Variants in KIF5C observed in about 807,000 individuals in gnomAD.
The protein encoded by KIF5C is kinesin heavy chain isoform 5C.
KIF5C carries 18 observed loss-of-function variants against 125.2 expected under a neutral mutation model. The ratio of observed to expected loss-of-function variants is 0.14; its 90% CI spans 0.10 to 0.21. KIF5C has a LOEUF of 0.21. KIF5C is among the 10% of genes least tolerant of loss of function. KIF5C has a pLI of 1.00. For synonymous variants in KIF5C, 405 were observed against 434.0 expected (o/e 0.93, Z 0.83); for missense variants, 780 against 1,183.8 (o/e 0.66, Z 5.01).
intron 11 of KIF5C, among the ~76,000 whole-genome samples, chr2:148,965,767 C>T (rs1030473452): frequency 2.0e-5 from 3 of 152,116 alleles, no homozygotes; most frequent in African/African-American, 4.8e-5. Context: ...GGTAAAGCTG[C>T]GATCTGAACT....
chr2:149,010,435 C>G, intron 24 of KIF5C, 84 bp downstream of exon 24: 1 of 1,461,696 alleles, frequency 6.8e-7, no homozygotes, highest in Non-Finnish European at 9.0e-7. Flanking sequence ...GAAGACAGCG[C>G]TGGCCCACTC....
chr2:148,941,842 G>A, intron 5 of KIF5C, 93 bp from the exon 6 acceptor site: 3 of 1,518,766 alleles, frequency 2.0e-6, no homozygotes, highest in Non-Finnish European at 2.7e-6. Flanking sequence ...GATTAGATTT[G>A]ACTGTCTTTG....
chr2:148,934,361 CCA>C (rs1236409219), intron 3 of KIF5C, among the ~76,000 whole-genome samples: 3 of 151,556 alleles, frequency 2.0e-5, no homozygotes, highest in East Asian at 1.9e-4. Flanking sequence ...GACACGCATA[CCA>C]CACACTATAT....
chr2:148,925,515 T>G (rs1435742836), intron 2 of KIF5C, among the ~76,000 whole-genome samples: 1 of 152,250 alleles, frequency 6.6e-6, no homozygotes, highest in African/African-American at 2.4e-5. Flanking sequence ...ATTATTTTCC[T>G]CATTGTACAG....
chr2:149,010,815 C>G (rs1682171062), intron 24 of KIF5C, among the ~76,000 whole-genome samples: 1 of 152,206 alleles, frequency 6.6e-6, no homozygotes, highest in Non-Finnish European at 1.5e-5. Flanking sequence ...AGGCTGGCAT[C>G]CATGACAGGG....
chr2:148,881,019 C>T (rs1268317373), intron 1 of KIF5C, among the ~76,000 whole-genome samples: 1 of 148,132 alleles, frequency 6.8e-6, no homozygotes, highest in Non-Finnish European at 1.5e-5. Context: ...ATTGAAAGTG[C>T]AGATAATAAT....
At chr2:148,903,075 G>C (rs1680967858) in intron 1 of KIF5C, among the ~76,000 whole-genome samples, 1 of 152,164 alleles carries the variant, frequency 6.6e-6, no homozygotes, top group South Asian at 2.1e-4. Context: ...TGGCTGAAGA[G>C]TGATGTCTGC....
intron 15 of KIF5C, among the ~76,000 whole-genome samples, chr2:148,987,955 G>C (rs777859038): frequency 6.6e-6 from 1 of 152,078 alleles, no homozygotes; most frequent in Non-Finnish European, 1.5e-5. Context: ...GAGAGATGGG[G>C]GTAGGGAGGT....
At chr2:148,886,788 G>C (rs1164440356) in intron 1 of KIF5C, among the ~76,000 whole-genome samples, 1 of 152,146 alleles carries the variant, frequency 6.6e-6, no homozygotes, top group East Asian at 1.9e-4. Context: ...CTAATTATCT[G>C]TTCAAACAAG....
intron 15 of KIF5C, among the ~76,000 whole-genome samples, chr2:148,986,361 G>GT (rs1329977689): frequency 5.9e-5 from 9 of 152,116 alleles, no homozygotes; most frequent in Non-Finnish European, 1.3e-4. Flanking sequence ...TATCATTCTG[G>GT]TTTTTTTCAT....
chr2:149,017,543 T>C (rs1436452303), intron 25 of KIF5C, among the ~76,000 whole-genome samples: 1 of 152,190 alleles, frequency 6.6e-6, no homozygotes, highest in African/African-American at 2.4e-5. Flanking sequence ...GGCAGTGCTT[T>C]GGCAAGCCAG....
At chr2:148,948,434 G>A (rs1298096700) in intron 8 of KIF5C, among the ~76,000 whole-genome samples, 2 of 152,044 alleles carry the variant, frequency 1.3e-5, no homozygotes, top group Non-Finnish European at 2.9e-5. Flanking sequence ...AAATAATGGA[G>A]GATTATTGTT....
intron 1 of KIF5C, among the ~76,000 whole-genome samples, chr2:148,921,663 T>G (rs1036801193): frequency 6.6e-6 from 1 of 152,208 alleles, no homozygotes; most frequent in Non-Finnish European, 1.5e-5. Context: ...AGGCTTTCCT[T>G]GCCCTCTCTA....
intron 1 of KIF5C, among the ~76,000 whole-genome samples, chr2:148,882,363 G>A (rs1280745881): frequency 6.6e-6 from 1 of 152,170 alleles, no homozygotes; most frequent in African/African-American, 2.4e-5. Context: ...ATCCAGATAA[G>A]GCCCAGTAGT....
chr2:148,900,459 C>T (rs1680850197), intron 1 of KIF5C, among the ~76,000 whole-genome samples: 2 of 152,054 alleles, frequency 1.3e-5, no homozygotes, highest in South Asian at 4.1e-4. Flanking sequence ...TTTTTTCCTT[C>T]CATGAGTGCA....
At chr2:148,988,329 G>A (rs1383267195) in intron 15 of KIF5C, among the ~76,000 whole-genome samples, 1 of 152,090 alleles carries the variant, frequency 6.6e-6, no homozygotes, top group East Asian at 1.9e-4. Context: ...GATCTCCAAG[G>A]ACAGGAACTG....
Position 148,922,142 on chromosome 2 carries a change from G to A in KIF5C, c.132G>A (p.Gly44=), listed in dbSNP as rs1574747403. 6.2e-7 allele frequency: 1 copy of A among 1,601,342 alleles called. No individual in the cohort carries two copies. Among genetic ancestry groups the A allele is most frequent in the Non-Finnish European group, 8.5e-7 (1 of 1,174,348 alleles). Residue 44 remains glycine (G), a synonymous_variant, in exon 2 of 26, where the codon GGG becomes GGA. Transcript: ENST00000435030. ...CCTTTGTCTTTCTTTTTTAGCAAGGGAAGCCATATGTCTTCGACAGAGTGC... is the reference window on the plus strand; with the variant it reads ...CCTTTGTCTTTCTTTTTTAGCAAGGAAAGCCATATGTCTTCGACAGAGTGC... ...KGDETVVIGQ[G]KPYVFDRVLP...
At chr2:148,978,028 T>C (rs903910638) in intron 12 of KIF5C, among the ~76,000 whole-genome samples, 2 of 152,210 alleles carry the variant, frequency 1.3e-5, no homozygotes, top group African/African-American at 4.8e-5. Flanking sequence ...GTTTGGTGTT[T>C]AGACCCTAGA....
intron 1 of KIF5C, among the ~76,000 whole-genome samples, chr2:148,899,702 C>CAA (rs771196518): frequency 0.025 from 1,126 of 44,532 alleles, 36 homozygotes; most frequent in African/African-American, 0.069. Flanking sequence ...AACTCCATCT[C>CAA]AAAAAAAAAA....
Sources: gnomAD v4.1 joint callset for allele counts (sites outside exome capture counted in the v4.1 genomes callset) on GRCh38, gnomAD v4.1.1 for gene constraint, MANE v1.5 for transcripts, NCBI Gene and HGNC (gene_info 2026-07-23, HGNC 2026-07-21) for gene names.